The following NAV3 variants were observed in gnomAD, a reference collection of about 807,000 sequenced individuals.
NAV3 encodes neuron navigator 3, also known as pore membrane and/or filament interacting like protein 1.
In NAV3, 87 loss-of-function variants were observed where a neutral mutation model predicts 244.7. That is an observed-to-expected ratio of 0.36 (90% CI 0.30 to 0.42). The LOEUF (loss-of-function observed/expected upper bound fraction) is 0.42, where lower values mean the gene tolerates loss of function less well. Ranked by LOEUF, NAV3 falls within the 20% of genes least tolerant of loss-of-function variation. The pLI, the probability that NAV3 is intolerant of heterozygous loss-of-function variation, is 1.00. For synonymous variants in NAV3, 1,126 were observed against 1,042.2 expected (o/e 1.08, Z -1.55); for missense variants, 2,663 against 2,893.3 (o/e 0.92, Z 1.83).
chr12:77,691,442 G>C (rs942967444), intron 2 of NAV3, among the ~76,000 whole-genome samples: 14 of 147,838 alleles, frequency 9.5e-5, no homozygotes, highest in African/African-American at 3.4e-4. Context: ...AAGTCTCAGT[G>C]TTCTGGCCAA....
chr12:77,585,912 C>T (rs1478452466), intron 2 of NAV3, among the ~76,000 whole-genome samples: 2 of 152,216 alleles, frequency 1.3e-5, no homozygotes, highest in African/African-American at 4.8e-5. Flanking sequence ...CCTGTAATCC[C>T]AGCACTTTGG....
At chr12:78,202,716 G>C (rs557110802) in intron 38 of NAV3, among the ~76,000 whole-genome samples, 1 of 152,004 alleles carries the variant, frequency 6.6e-6, no homozygotes, top group African/African-American at 2.4e-5. Flanking sequence ...GGGCTTTTTG[G>C]GGGAGGGGAA....
chr12:77,790,193 A>G, intron 2 of NAV3, among the ~76,000 whole-genome samples: 1 of 152,176 alleles, frequency 6.6e-6, no homozygotes, highest in East Asian at 1.9e-4. Context: ...AAAGCAACAA[A>G]TTTATTCATA....
intron 3 of NAV3, among the ~76,000 whole-genome samples, chr12:77,959,707 A>G (rs950786922): frequency 1.3e-5 from 2 of 151,836 alleles, no homozygotes. Context: ...TAATCCCAAA[A>G]TATAATGGTA....
At chr12:78,058,595 T>G (rs1210311066) in intron 11 of NAV3, among the ~76,000 whole-genome samples, 1 of 152,120 alleles carries the variant, frequency 6.6e-6, no homozygotes, top group African/African-American at 2.4e-5. Flanking sequence ...TGGTGGAAGT[T>G]TAGGTTTTGA....
intron 8 of NAV3, chr12:78,010,853 T>G (rs1875151177): frequency 2.6e-5 from 4 of 152,080 alleles, no homozygotes; most frequent in Admixed American, 1.3e-4. Flanking sequence ...CAGTACTTAT[T>G]CCTTCTGAGA....
chr12:77,999,332 A>G (rs1454169431), intron 7 of NAV3, among the ~76,000 whole-genome samples: 2 of 152,254 alleles, frequency 1.3e-5, no homozygotes, highest in Non-Finnish European at 2.9e-5. Flanking sequence ...GTTGGGCTCT[A>G]CATGGAAAAA....
chr12:78,200,595 T>C lies in NAV3; in HGVS notation c.6834+4T>C. On this transcript the variant is annotated splice_donor_region_variant and intron_variant, in intron 38 of 39. Transcript: ENST00000397909. ...GGCAGTGAGAGAGGGTCTTCAGGTA[T>C]AGTACTCAATTTTCATTGCTATTTT... 1 of 1,425,000 alleles carries C rather than the reference T, an allele frequency of 7.0e-7. No homozygotes were observed. Among genetic ancestry groups the C allele is most frequent in the Non-Finnish European group, 9.4e-7 (1 of 1,058,402 alleles). 88.3% of individuals were successfully genotyped at this position (1,425,000 alleles called of 1,614,324 possible).
At chr12:77,583,865 A>G (rs557640482) in intron 2 of NAV3, among the ~76,000 whole-genome samples, 1 of 152,172 alleles carries the variant, frequency 6.6e-6, no homozygotes, top group East Asian at 1.9e-4. Flanking sequence ...TCTTTCTTCA[A>G]TTCATTCTCT....
intron 2 of NAV3, among the ~76,000 whole-genome samples, chr12:77,788,634 CTT>C (rs1871021483): frequency 6.8e-6 from 1 of 147,600 alleles, no homozygotes; most frequent in South Asian, 2.1e-4. Context: ...TAAAAAAAGA[CTT>C]TTTCAGGTGT....
At chr12:77,826,414 C>T (rs774402308), upstream of NAV3, among the ~76,000 whole-genome samples, 11 of 152,002 alleles carry the variant, frequency 7.2e-5, no homozygotes, top group Non-Finnish European at 1.5e-4. Context: ...ATTGCTAGAA[C>T]CCAGGAGGCT....
chr12:78,075,671 T>G (rs79400889), intron 12 of NAV3, among the ~76,000 whole-genome samples: 541 of 152,316 alleles, frequency 3.6e-3, no homozygotes, highest in Non-Finnish European at 5.6e-3. Context: ...AAGACTTAGA[T>G]TTATAGCTTA....
intron 2 of NAV3, among the ~76,000 whole-genome samples, chr12:77,630,514 G>A (rs1344946354): frequency 6.6e-6 from 1 of 152,106 alleles, no homozygotes; most frequent in African/African-American, 2.4e-5. Flanking sequence ...GATATGGTCA[G>A]CTTTGTAACA....
At chr12:78,164,154 A>G (rs1957681812) in intron 23 of NAV3, among the ~76,000 whole-genome samples, 1 of 152,118 alleles carries the variant, frequency 6.6e-6, no homozygotes, top group Non-Finnish European at 1.5e-5. Context: ...ACAGCTAAAT[A>G]TTTCAGAATT....
At chr12:78,109,181 C>T (rs959222954) in intron 12 of NAV3, among the ~76,000 whole-genome samples, 4 of 151,866 alleles carry the variant, frequency 2.6e-5, no homozygotes, top group African/African-American at 9.7e-5. Context: ...CAACTATATG[C>T]TGAAAAATGG....
intron 9 of NAV3, among the ~76,000 whole-genome samples, chr12:78,028,569 G>T (rs531304585): frequency 6.6e-6 from 1 of 152,174 alleles, no homozygotes; most frequent in South Asian, 2.1e-4. Context: ...TACTTATACA[G>T]CAGGAACCCA....
intron 2 of NAV3, among the ~76,000 whole-genome samples, chr12:77,672,822 TA>T (rs150581443): frequency 0.028 from 4,209 of 151,584 alleles, 114 homozygotes; most frequent in East Asian, 0.031. Context: ...AAAAAGAAAT[TA>T]AAAAAAATAA....
rs776322149 is a variant in NAV3 at position 78,137,299 on chromosome 12, A to G, written c.4564A>G (p.Thr1522Ala). 2 of 1,613,462 alleles carry G rather than the reference A, an allele frequency of 1.2e-6. No individual in the cohort carries two copies. Among genetic ancestry groups the G allele is most frequent in the African/African-American group, 2.7e-5 (2 of 74,850 alleles). Residue 1522 changes from threonine to alanine, a missense_variant, in exon 19 of 40, where the codon ACT becomes GCT. Physicochemically the swap from Thr to Ala is moderately conservative, Grantham distance 58. Transcript: ENST00000397909. ...YDDSQLCGSATSLEERPRAIS... is the reference protein window; with the variant it reads ...YDDSQLCGSAASLEERPRAIS... ...TGACTCCCAGCTTTGTGGGAGTGCC[A>G]CTTCTCTGGAGGAAAGACCTCGTGC...
rs115601501 is a variant in NAV3, at chr12:78,107,753, G to A, written c.2637-9019G>A. 7.0e-3 allele frequency among the ~76,000 whole-genome samples: 1,063 copies of A among 152,116 alleles called. 10 individuals carry two copies. The highest frequency in any genetic ancestry group is 0.024 in the African/African-American group (993 of 41,524). On this transcript the variant is annotated intron_variant, in intron 12 of 39. Coordinates refer to ENST00000397909, the MANE Select transcript of NAV3 (RefSeq NM_001024383.2). Reference sequence around the variant, plus strand: ...GACCTACAATAAATGCTCAAGGGAGGTCTGGAAACTAGTAGTGAAAGGACG... The same window carrying A: ...GACCTACAATAAATGCTCAAGGGAGATCTGGAAACTAGTAGTGAAAGGACG...
Sources: allele counts gnomAD v4.1 joint callset (sites outside exome capture counted in the v4.1 genomes callset), GRCh38; gene constraint gnomAD v4.1.1; transcripts MANE v1.5; gene names NCBI Gene and HGNC (gene_info 2026-07-23, HGNC 2026-07-21).